Variants in NTM observed in about 807,000 individuals in gnomAD.
NTM encodes the protein IgLON family member 2.
NTM carries 13 observed loss-of-function variants against 42.1 expected under a neutral mutation model. The observed-to-expected ratio is 0.31, with a 90% CI of 0.20 to 0.49. The LOEUF is 0.49. NTM is among the 20% of genes least tolerant of loss of function. NTM has a pLI of 0.99. For synonymous variants in NTM, 187 were observed against 179.2 expected (o/e 1.04, Z -0.35); for missense variants, 373 against 452.8 (o/e 0.82, Z 1.60).
chr11:131,432,839 C>CTTTTTTTGTTTTTTTTTTTTTTT (rs1948771190), intron 1 of NTM, among the ~76,000 whole-genome samples: 1 of 68,694 alleles, frequency 1.5e-5, no homozygotes, highest in Non-Finnish European at 2.6e-5. Flanking sequence ...ATTTAGCATT[C>CTTTTTTTGTTTTTTTTTTTTTTT]TTTTTTTTTT....
At chr11:131,789,642 G>GAAGAAGAAGAAGAAGAAGAAGAAGAAGAA (rs2090507806) in intron 1 of NTM, among the ~76,000 whole-genome samples, 1 of 122,330 alleles carries the variant, frequency 8.2e-6, no homozygotes, top group African/African-American at 3.1e-5. Context: ...AAGAAAAGAA[G>GAAGAAGAAGAAGAAGAAGAAGAAGAAGAA]AAGAAGAAGA....
At chr11:131,858,082 A>G (rs2046282079) in intron 1 of NTM, among the ~76,000 whole-genome samples, 1 of 150,598 alleles carries the variant, frequency 6.6e-6, no homozygotes. Context: ...ATTTTATCAT[A>G]CTGAGCTCTT....
intron 1 of NTM, among the ~76,000 whole-genome samples, chr11:131,809,981 C>T (rs758925835): frequency 2.0e-5 from 3 of 152,192 alleles, no homozygotes; most frequent in Non-Finnish European, 4.4e-5. Flanking sequence ...GAACTTATCA[C>T]TCTTTCCTTT....
intron 2 of NTM, among the ~76,000 whole-genome samples, chr11:132,055,160 G>C (rs898302011): frequency 1.8e-4 from 27 of 152,202 alleles, no homozygotes; most frequent in African/African-American, 5.8e-4. Flanking sequence ...TTCTTTGACT[G>C]TCAATCTTCA....
intron 2 of NTM, among the ~76,000 whole-genome samples, chr11:132,100,057 A>G (rs1473060677): frequency 1.3e-5 from 2 of 152,238 alleles, no homozygotes; most frequent in Non-Finnish European, 2.9e-5. Flanking sequence ...GCATTCTCAC[A>G]GAAACAGTAA....
At chr11:131,749,585 GTTTT>G (rs577216650) in intron 1 of NTM, among the ~76,000 whole-genome samples, 7 of 152,024 alleles carry the variant, frequency 4.6e-5, no homozygotes, top group Non-Finnish European at 1.0e-4. Flanking sequence ...CATTGTCACT[GTTTT>G]TTTGTTTGTT....
At chr11:132,107,936 A>G (rs907101904) in intron 2 of NTM, among the ~76,000 whole-genome samples, 1 of 152,082 alleles carries the variant, frequency 6.6e-6, no homozygotes, top group Non-Finnish European at 1.5e-5. Flanking sequence ...TCTTTGCTCC[A>G]ACATCTCCAC....
intron 2 of NTM, among the ~76,000 whole-genome samples, chr11:131,958,960 C>T (rs1213546437): frequency 5.9e-5 from 9 of 152,152 alleles, no homozygotes; most frequent in Non-Finnish European, 1.3e-4. Context: ...CAAACAAGTC[C>T]ACATGCCACT....
At chr11:131,825,734 C>T (rs2042049425) in intron 1 of NTM, among the ~76,000 whole-genome samples, 1 of 151,966 alleles carries the variant, frequency 6.6e-6, no homozygotes, top group African/African-American at 2.4e-5. Context: ...TTAATAGGAC[C>T]AGTTAATGGG....
At chr11:131,705,206 A>G (rs1256511559) in intron 1 of NTM, among the ~76,000 whole-genome samples, 4 of 152,232 alleles carry the variant, frequency 2.6e-5, no homozygotes, top group African/African-American at 9.6e-5. Flanking sequence ...TCAAAAACCT[A>G]GAAAATTTCA....
chr11:131,942,950 A>G (rs957471036), intron 2 of NTM, among the ~76,000 whole-genome samples: 1 of 141,844 alleles, frequency 7.1e-6, no homozygotes, highest in Admixed American at 7.4e-5. Flanking sequence ...TGTCTCAAAA[A>G]AAAAAAAAAA....
intron 2 of NTM, among the ~76,000 whole-genome samples, chr11:132,045,366 A>C (rs484414): frequency 0.48 from 72,984 of 151,930 alleles, 18,675 homozygotes; most frequent in East Asian, 0.8. Context: ...GGAGTAAAGG[A>C]GCCTGCCCTT....
chr11:132,124,610 C>A (rs527676047), intron 2 of NTM, among the ~76,000 whole-genome samples: 1 of 152,138 alleles, frequency 6.6e-6, no homozygotes, highest in South Asian at 2.1e-4. Context: ...TTTTTGTGTA[C>A]GTGTGTGTGT....
chr11:131,676,819 G>T (rs1368204190), intron 1 of NTM, among the ~76,000 whole-genome samples: 2 of 152,180 alleles, frequency 1.3e-5, no homozygotes, highest in African/African-American at 2.4e-5. Flanking sequence ...ACAACACAAG[G>T]TATGAATTCC....
chr11:131,416,562 C>G (rs989151568), intron 1 of NTM, among the ~76,000 whole-genome samples: 7 of 152,150 alleles, frequency 4.6e-5, no homozygotes, highest in African/African-American at 1.7e-4. Flanking sequence ...GACTTACCAG[C>G]AAAATCAGGT....
chr11:131,727,794 C>T (rs1479186523), intron 1 of NTM, among the ~76,000 whole-genome samples: 1 of 152,180 alleles, frequency 6.6e-6, no homozygotes, highest in African/African-American at 2.4e-5. Flanking sequence ...ATGCAAAGCC[C>T]AGTTTCCATG....
chr11:131,888,387 G>A (rs1237055664), intron 1 of NTM, among the ~76,000 whole-genome samples: 5 of 152,114 alleles, frequency 3.3e-5, no homozygotes, highest in Non-Finnish European at 7.4e-5. Flanking sequence ...GAAATGCGTC[G>A]TTCATTCCCC....
intron 1 of NTM, among the ~76,000 whole-genome samples, chr11:131,401,834 A>ATATATATATATGTGTG (rs1945246367): frequency 2.3e-5 from 2 of 86,274 alleles, no homozygotes; most frequent in African/African-American, 8.4e-5. Flanking sequence ...ATATATATAT[A>ATATATATATATGTGTG]TATATATATA....
intron 2 of NTM, among the ~76,000 whole-genome samples, chr11:132,011,137 T>G (rs1284995338): frequency 1.3e-5 from 2 of 152,080 alleles, no homozygotes; most frequent in Non-Finnish European, 2.9e-5. Context: ...GGTCTACAAT[T>G]TGTAAAATTT....
Sources: allele counts gnomAD v4.1 joint callset (sites outside exome capture counted in the v4.1 genomes callset), GRCh38; gene constraint gnomAD v4.1.1; transcripts MANE v1.5; gene names NCBI Gene and HGNC (gene_info 2026-07-23, HGNC 2026-07-21).